KIF5B: variants seen among roughly 807,000 people sequenced by gnomAD.
KIF5B encodes the protein kinesin family member 5B, also known as kinesin-1 heavy chain.
A neutral mutation model predicts 132.8 loss-of-function variants in KIF5B; 49 were observed. The observed-to-expected ratio is 0.37, with a 90% CI of 0.29 to 0.47. KIF5B has a LOEUF of 0.47. Among genes scored for constraint, KIF5B ranks in the 20% least tolerant of loss-of-function variants. The pLI, the probability that KIF5B is intolerant of heterozygous loss-of-function variation, is 1.00. For missense variants in KIF5B, 780 were observed against 1,144.0 expected (o/e 0.68, Z 4.59); for synonymous variants, 355 against 369.4 (o/e 0.96, Z 0.45).
chr10:32,034,400 G>A (rs1272955801), intron 11 of KIF5B, among the ~76,000 whole-genome samples: 1 of 152,004 alleles, frequency 6.6e-6, no homozygotes, highest in Non-Finnish European at 1.5e-5. Context: ...GCATGAGCCA[G>A]TGCACCCAGC....
At chr10:32,026,408 A>G (rs1841333673) in intron 15 of KIF5B, among the ~76,000 whole-genome samples, 1 of 127,284 alleles carries the variant, frequency 7.9e-6, no homozygotes, top group Non-Finnish European at 1.6e-5. Context: ...ACTGCACTCC[A>G]GCCTGGGAGA....
chr10:32,023,172 T>C (rs1841288263), intron 15 of KIF5B, 136 bp from the exon 16 acceptor site: 1 of 450,566 alleles, frequency 2.2e-6, no homozygotes, highest in Admixed American at 4.1e-5. Flanking sequence ...ATCTTATTTT[T>C]TTCTTTTATT....
intron 9 of KIF5B, 38 bp from the exon 10 acceptor site, chr10:32,035,705 T>C: frequency 6.4e-7 from 1 of 1,556,296 alleles, no homozygotes; most frequent in Non-Finnish European, 8.7e-7. Context: ...AAGACCAGTA[T>C]AATAAAATGT....
At chr10:32,048,379 T>C (rs776925931) in intron 2 of KIF5B, 85 bp downstream of exon 2, 34 of 879,964 alleles carry the variant, frequency 3.9e-5, no homozygotes, top group Non-Finnish European at 5.7e-5. Context: ...GGCATTAAAA[T>C]GAAAAAAGGA....
In KIF5B at chr10:32,011,442, A is replaced by AG. The variant is rs1054637940; in HGVS notation, c.*94dup. The AG allele has an allele frequency of 6.6e-5, 10 of 152,496 alleles. No homozygotes were observed. The highest frequency in any genetic ancestry group is 3.3e-4 in the Admixed American group (5 of 15,260). 9.4% of individuals were successfully genotyped at this position (152,496 alleles called of 1,614,324 possible). On this transcript the variant is annotated 3_prime_UTR_variant, in exon 26 of 26. Transcript: ENST00000302418. ...TAAAAGTTATAATTCTACAATCCCA[A>AG]GGGAGTAGAGGTTATAGTCATTGAA...
intron 1 of KIF5B, among the ~76,000 whole-genome samples, chr10:32,053,918 A>G (rs998116388): frequency 2.0e-5 from 3 of 152,174 alleles, no homozygotes; most frequent in East Asian, 1.9e-4. Flanking sequence ...CTTTTTCCCA[A>G]TGGAAACCTA....
chr10:32,045,109 C>T (rs1435162347), intron 2 of KIF5B, among the ~76,000 whole-genome samples: 1 of 152,020 alleles, frequency 6.6e-6, no homozygotes, highest in East Asian at 1.9e-4. Context: ...AGGTTAGGTA[C>T]CACTTAAAAA....
At position 32,028,423 on chromosome 10, in the gene KIF5B, T is replaced by C; in HGVS notation, c.1725+5A>G. On this transcript the variant is annotated splice_donor_5th_base_variant and intron_variant, in intron 15 of 25. Transcript: ENST00000302418. ...TTGTCCTTAATACTTAGTTATTATA[T>C]TTACCTTTACATCATTATTTCCCAC... The C allele has an allele frequency of 6.2e-7, 1 of 1,605,914 alleles. No individual in the cohort carries two copies. Among genetic ancestry groups the C allele is most frequent in the Non-Finnish European group, 8.5e-7 (1 of 1,173,688 alleles).
chr10:32,041,490 A>G (rs962777199), intron 2 of KIF5B, among the ~76,000 whole-genome samples: 1 of 151,382 alleles, frequency 6.6e-6, no homozygotes, highest in Admixed American at 6.6e-5. Flanking sequence ...CAATTTACAT[A>G]CAGATGAGAT....
At chr10:32,011,568 T>C (rs1399694886) in intron 25 of KIF5B, 52 bp from the exon 26 acceptor site, 1 of 152,170 alleles carries the variant, frequency 6.6e-6, no homozygotes, top group Non-Finnish European at 1.5e-5. Flanking sequence ...ACAAAATTGG[T>C]GTTTGAGATA....
intron 1 of KIF5B, among the ~76,000 whole-genome samples, chr10:32,054,339 T>C (rs1841727833): frequency 6.6e-6 from 1 of 152,218 alleles, no homozygotes; most frequent in South Asian, 2.1e-4. Flanking sequence ...TATGATGTCA[T>C]TTACACACGA....
At chr10:32,037,405 T>C in intron 7 of KIF5B, 27 bp from the exon 8 acceptor site, 1 of 1,607,454 alleles carries the variant, frequency 6.2e-7, no homozygotes, top group Non-Finnish European at 8.5e-7. Context: ...CAAACAAATA[T>C]AAACAAACAT....
chr10:32,029,238 G>A (rs919856905), intron 14 of KIF5B, among the ~76,000 whole-genome samples: 2 of 152,182 alleles, frequency 1.3e-5, no homozygotes, highest in Non-Finnish European at 2.9e-5. Flanking sequence ...ACTCCGAAGT[G>A]CTCGAAAATC....
Position 32,030,989 on chromosome 10 carries a change from T to A in KIF5B, c.1581+84A>T, listed in dbSNP as rs1841396475. On this transcript the variant is annotated intron_variant, in intron 14 of 25. Transcript: ENST00000302418. ...TGATGTTATCGATATTTGACTTACA[T>A]AGAAAAGTAAGTTATTTAAGTAGTT... 3.1e-6 allele frequency: 3 copies of A among 953,732 alleles called. No homozygotes were observed. In the South Asian group the frequency reaches 4.8e-5, roughly 15 times the overall value. The allele number at this position is 953,732 out of a possible 1,614,324, so 59.1% of individuals were successfully genotyped here.
intron 15 of KIF5B, among the ~76,000 whole-genome samples, chr10:32,024,141 G>A (rs1225422924): frequency 1.0e-4 from 11 of 107,064 alleles, no homozygotes; most frequent in East Asian, 3.4e-4. Context: ...AACATATGAA[G>A]AACTCTTTTT....
At chr10:32,054,275 T>C (rs972544686) in intron 1 of KIF5B, among the ~76,000 whole-genome samples, 1 of 152,218 alleles carries the variant, frequency 6.6e-6, no homozygotes. Context: ...ATGTAAAATA[T>C]ACCATCCCAA....
At chr10:32,025,361 T>C (rs1467590119) in intron 15 of KIF5B, among the ~76,000 whole-genome samples, 1 of 152,186 alleles carries the variant, frequency 6.6e-6, no homozygotes, top group African/African-American at 2.4e-5. Flanking sequence ...GTCCAAAGAA[T>C]AACTTACACA....
intron 24 of KIF5B, 62 bp from the exon 25 acceptor site, chr10:32,015,721 T>A: frequency 7.4e-7 from 1 of 1,353,104 alleles, no homozygotes; most frequent in Non-Finnish European, 1.0e-6. Flanking sequence ...CAATGACTGT[T>A]AAGGTTTCTT....
intron 2 of KIF5B, among the ~76,000 whole-genome samples, chr10:32,043,002 T>C (rs1841561663): frequency 6.6e-6 from 1 of 152,116 alleles, no homozygotes; most frequent in Non-Finnish European, 1.5e-5. Context: ...AGTTTTTTGT[T>C]TTTGAGACAG....
Sources: gnomAD v4.1 joint callset for allele counts (sites outside exome capture counted in the v4.1 genomes callset) on GRCh38, gnomAD v4.1.1 for gene constraint, MANE v1.5 for transcripts, NCBI Gene and HGNC (gene_info 2026-07-23, HGNC 2026-07-21) for gene names.